The following CCSER1 variants were observed in gnomAD, a reference collection of about 807,000 sequenced individuals.
CCSER1 encodes serine-rich coiled-coil domain-containing protein 1.
Under a neutral mutation model 82.0 loss-of-function variants are expected in CCSER1, and 41 were observed. The observed-to-expected ratio is 0.50, with a 90% confidence interval of 0.39 to 0.65. The LOEUF is 0.65. Among genes scored for constraint, CCSER1 ranks in the 30% least tolerant of loss-of-function variants. CCSER1 has a pLI of 0.00. For missense variants in CCSER1, 1,119 were observed against 1,064.2 expected (o/e 1.05, Z -0.72); for synonymous variants, 414 against 383.9 (o/e 1.08, Z -0.92).
At chr4:91,059,888 C>T (rs1321537630) in intron 9 of CCSER1, among the ~76,000 whole-genome samples, 5 of 152,030 alleles carry the variant, frequency 3.3e-5, no homozygotes, top group Admixed American at 3.3e-4. Context: ...TAAAAATCTC[C>T]TCATTAGTCT....
At chr4:91,593,256 T>C (rs546844999) in intron 10 of CCSER1, among the ~76,000 whole-genome samples, 1 of 152,312 alleles carries the variant, frequency 6.6e-6, no homozygotes, top group African/African-American at 2.4e-5. Context: ...GCAATGTGTA[T>C]TGTATCATAG....
intron 1 of CCSER1, among the ~76,000 whole-genome samples, chr4:90,301,235 T>A (rs1342705477): frequency 6.6e-6 from 1 of 152,194 alleles, no homozygotes; most frequent in African/African-American, 2.4e-5. Context: ...ATGAATCATT[T>A]AACTAGAATT....
intron 9 of CCSER1, among the ~76,000 whole-genome samples, chr4:91,058,130 C>G (rs1743615402): frequency 6.6e-6 from 1 of 151,994 alleles, no homozygotes; most frequent in South Asian, 2.1e-4. Flanking sequence ...AAGCCTAGTG[C>G]CTGTTAGTTA....
At chr4:90,836,178 C>T (rs1761779550) in intron 8 of CCSER1, among the ~76,000 whole-genome samples, 1 of 152,144 alleles carries the variant, frequency 6.6e-6, no homozygotes, top group South Asian at 2.1e-4. Context: ...TTCTGTCCAT[C>T]CACATCCATG....
At chr4:90,855,965 A>G (rs1413212606) in intron 8 of CCSER1, among the ~76,000 whole-genome samples, 1 of 152,154 alleles carries the variant, frequency 6.6e-6, no homozygotes, top group Non-Finnish European at 1.5e-5. Context: ...ACTAATTTAT[A>G]TATTAATATG....
chr4:90,828,652 T>G (rs189929993), intron 8 of CCSER1, among the ~76,000 whole-genome samples: 1 of 152,320 alleles, frequency 6.6e-6, no homozygotes, highest in Admixed American at 6.5e-5. Context: ...TGAGCTTAAG[T>G]GTTTTTCCTG....
In CCSER1 at chr4:91,115,857, A is replaced by AT. The variant is rs1309431041; in HGVS notation, c.2217+29864dup. On this transcript the variant is annotated intron_variant, in intron 10 of 10. Coordinates refer to ENST00000509176, the MANE Select transcript of CCSER1 (RefSeq NM_001145065.2). ...TCCATTCTTTTATATATATATATAT[A>AT]TATTTTTTTTTATTATACTTTAAGT... 2.5e-3 allele frequency among the ~76,000 whole-genome samples: 179 copies of AT among 70,530 alleles called. 1 individual carries two copies. The highest frequency in any genetic ancestry group is 6.0e-3 in the African/African-American group (123 of 20,474). The allele number at this position is 70,530 out of a possible 152,430, so 46.3% of individuals were successfully genotyped here. A position where few individuals can be genotyped will look rare whatever the true frequency, so the allele number is the denominator to read the frequency against.
At chr4:91,030,867 G>A (rs1384492474) in intron 9 of CCSER1, among the ~76,000 whole-genome samples, 1 of 151,802 alleles carries the variant, frequency 6.6e-6, no homozygotes, top group Non-Finnish European at 1.5e-5. Context: ...TCTACTTTAG[G>A]GTTTATGATC....
At chr4:90,428,034 A>G (rs1268124212) in intron 4 of CCSER1, among the ~76,000 whole-genome samples, 1 of 151,814 alleles carries the variant, frequency 6.6e-6, no homozygotes, top group African/African-American at 2.4e-5. Context: ...GAATCAAACA[A>G]GTGTTATAGA....
At chr4:91,180,108 G>A (rs1380095186) in intron 10 of CCSER1, among the ~76,000 whole-genome samples, 1 of 152,206 alleles carries the variant, frequency 6.6e-6, no homozygotes, top group East Asian at 1.9e-4. Flanking sequence ...ATCACCAGTG[G>A]AGCCTGCAGA....
chr4:90,998,952 T>A (rs1017219902), intron 9 of CCSER1, among the ~76,000 whole-genome samples: 3 of 152,146 alleles, frequency 2.0e-5, no homozygotes, highest in African/African-American at 7.2e-5. Context: ...GTACCCAGTG[T>A]CTAGCTCCCA....
intron 7 of CCSER1, among the ~76,000 whole-genome samples, chr4:90,783,743 C>T (rs1754112551): frequency 6.6e-6 from 1 of 152,108 alleles, no homozygotes; most frequent in African/African-American, 2.4e-5. Context: ...CCTTTCTGTC[C>T]ACATTACATA....
intron 5 of CCSER1, among the ~76,000 whole-genome samples, chr4:90,604,983 G>C (rs1480020995): frequency 6.7e-6 from 1 of 148,568 alleles, no homozygotes; most frequent in Non-Finnish European, 1.5e-5. Context: ...CCAGCCAGCA[G>C]CGGCAACTGA....
intron 3 of CCSER1, among the ~76,000 whole-genome samples, chr4:90,385,277 C>T (rs1042756045): frequency 6.6e-6 from 1 of 151,526 alleles, no homozygotes; most frequent in Non-Finnish European, 1.5e-5. Context: ...GATGGTAGAT[C>T]TACTTTTAGA....
At chr4:90,457,715 G>T (rs555382381) in intron 4 of CCSER1, among the ~76,000 whole-genome samples, 4 of 152,238 alleles carry the variant, frequency 2.6e-5, no homozygotes, top group African/African-American at 9.6e-5. Context: ...GGCGGCCATG[G>T]CTGGGCCCGG....
At chr4:90,839,043 C>A (rs774932559) in intron 8 of CCSER1, 1 of 1,612,108 alleles carries the variant, frequency 6.2e-7, no homozygotes, top group South Asian at 1.1e-5. Context: ...GACATGGTTG[C>A]GGAGGAAAAG....
At chr4:90,616,017 A>G (rs1721119220) in intron 5 of CCSER1, among the ~76,000 whole-genome samples, 1 of 152,196 alleles carries the variant, frequency 6.6e-6, no homozygotes, top group Non-Finnish European at 1.5e-5. Context: ...AAGACCTCTC[A>G]CTAGCAAAAG....
intron 5 of CCSER1, among the ~76,000 whole-genome samples, chr4:90,577,700 A>T (rs1038817475): frequency 6.6e-6 from 1 of 151,918 alleles, no homozygotes; most frequent in African/African-American, 2.4e-5. Context: ...CTTATTTTTT[A>T]AAATTTTTGT....
Position 90,784,625 on chromosome 4 carries a change from A to T in CCSER1, c.2011-31137A>T, listed in dbSNP as rs989380408. Among the ~76,000 whole-genome samples, 3 of 152,134 alleles carry T rather than the reference A, an allele frequency of 2.0e-5. No homozygotes were observed. The East Asian group carries it at 5.8e-4, about 29-fold the overall frequency. The stretch of plus-strand genomic sequence containing the variant: ...ACTACCTATCTAGTTTGTTATGCAT[A>T]TACCTCAGTATCCATATATTTCACT... On this transcript the variant is annotated intron_variant, in intron 7 of 10. Transcript: ENST00000509176.
Sources: allele counts gnomAD v4.1 joint callset (sites outside exome capture counted in the v4.1 genomes callset), GRCh38; gene constraint gnomAD v4.1.1; transcripts MANE v1.5; gene names NCBI Gene and HGNC (gene_info 2026-07-23, HGNC 2026-07-21).